EPHA6: variants seen among roughly 807,000 people sequenced by gnomAD.
EPHA6 encodes EPH receptor A6, also known as ephrin type-A receptor 6.
Under a neutral mutation model 112.0 loss-of-function variants are expected in EPHA6, and 50 were observed. The ratio of observed to expected loss-of-function variants is 0.45; its 90% CI spans 0.36 to 0.56. The LOEUF (loss-of-function observed/expected upper bound fraction) is 0.56, where lower values mean the gene tolerates loss of function less well. EPHA6 is among the 20% of genes least tolerant of loss of function. The pLI is 0.00. For missense variants in EPHA6, 1,280 were observed against 1,417.4 expected, an observed-to-expected ratio of 0.90 and a Z score of 1.56; for synonymous variants, 529 against 490.7, an observed-to-expected ratio of 1.08 and a Z score of -1.03.
intron 3 of EPHA6, among the ~76,000 whole-genome samples, chr3:97,162,085 A>C (rs540115819): frequency 3.9e-5 from 6 of 152,274 alleles, no homozygotes; most frequent in African/African-American, 1.4e-4. Flanking sequence ...TGGAGTCACT[A>C]CCTGAATAAG....
chr3:97,711,694 C>G (rs1036622899), intron 14 of EPHA6, among the ~76,000 whole-genome samples: 1 of 152,126 alleles, frequency 6.6e-6, no homozygotes, highest in African/African-American at 2.4e-5. Flanking sequence ...TTTGTTCTAT[C>G]TGGGCCCTCA....
intron 10 of EPHA6, among the ~76,000 whole-genome samples, chr3:97,517,648 T>A (rs181820412): frequency 3.3e-4 from 50 of 152,236 alleles, no homozygotes; most frequent in Non-Finnish European, 6.5e-4. Context: ...AATCATATTA[T>A]TTATTACAGT....
At chr3:97,594,899 G>A (rs559247398) in intron 12 of EPHA6, among the ~76,000 whole-genome samples, 3 of 152,108 alleles carry the variant, frequency 2.0e-5, no homozygotes, top group Admixed American at 6.5e-5. Context: ...ATTGATTATC[G>A]GTCACAGTAT....
chr3:97,648,374 G>C, intron 14 of EPHA6: 1 of 1,538,854 alleles, frequency 6.5e-7, no homozygotes, highest in Non-Finnish European at 8.7e-7. Flanking sequence ...AGAAGACATA[G>C]CCTACACCCA....
intron 3 of EPHA6, among the ~76,000 whole-genome samples, chr3:97,023,196 A>T (rs1321768367): frequency 6.6e-6 from 1 of 152,130 alleles, no homozygotes; most frequent in Admixed American, 6.5e-5. Context: ...CTCCTGCCTC[A>T]ACCTCCTGGG....
At chr3:96,871,102 A>G (rs904591865) in intron 2 of EPHA6, among the ~76,000 whole-genome samples, 55 of 152,022 alleles carry the variant, frequency 3.6e-4, no homozygotes, top group Non-Finnish European at 8.8e-5. Context: ...ACTTCACAAC[A>G]TATATGGTAA....
chr3:96,892,802 C>T (rs1420885573), intron 2 of EPHA6, among the ~76,000 whole-genome samples: 3 of 151,818 alleles, frequency 2.0e-5, no homozygotes, highest in Non-Finnish European at 2.9e-5. Context: ...AATTTCTTAA[C>T]AAGTCTTTCA....
chr3:96,923,088 C>T (rs868803856), intron 2 of EPHA6, among the ~76,000 whole-genome samples: 2 of 152,274 alleles, frequency 1.3e-5, no homozygotes, highest in Middle Eastern at 3.4e-3. Flanking sequence ...GTGAATAGTG[C>T]TGCAGTGAAC....
chr3:97,748,269 T>G (rs774387500), intron 17 of EPHA6, among the ~76,000 whole-genome samples: 8 of 152,076 alleles, frequency 5.3e-5, no homozygotes, highest in Non-Finnish European at 1.2e-4. Context: ...CTATGAAATA[T>G]CTGAGTATTA....
intron 5 of EPHA6, among the ~76,000 whole-genome samples, chr3:97,320,319 A>T (rs2082047703): frequency 6.6e-6 from 1 of 151,850 alleles, no homozygotes; most frequent in East Asian, 1.9e-4. Context: ...TAAGGAATGA[A>T]AAATTTATAT....
intron 2 of EPHA6, among the ~76,000 whole-genome samples, chr3:96,891,451 A>G (rs2037957723): frequency 6.6e-6 from 1 of 151,740 alleles, no homozygotes. Context: ...GGCTTTTAAA[A>G]TGCTGGTAAA....
chr3:97,391,634 G>A (rs1293329717), intron 5 of EPHA6, among the ~76,000 whole-genome samples: 1 of 151,872 alleles, frequency 6.6e-6, no homozygotes, highest in African/African-American at 2.4e-5. Context: ...GAATAGAAGA[G>A]CTTCAGATAA....
At chr3:97,136,798 C>T (rs1329065724) in intron 3 of EPHA6, among the ~76,000 whole-genome samples, 2 of 151,954 alleles carry the variant, frequency 1.3e-5, no homozygotes, top group African/African-American at 2.4e-5. Flanking sequence ...TCCAGCAAAA[C>T]GATCTTTAAA....
intron 1 of EPHA6, among the ~76,000 whole-genome samples, chr3:96,866,435 G>A (rs2107453636): frequency 6.6e-6 from 1 of 151,964 alleles, no homozygotes; most frequent in African/African-American, 2.4e-5. Context: ...AGAGAATCAA[G>A]AAATCTGCTT....
At chr3:97,105,837 T>C (rs796160014) in intron 3 of EPHA6, among the ~76,000 whole-genome samples, 2 of 152,216 alleles carry the variant, frequency 1.3e-5, no homozygotes, top group South Asian at 4.1e-4. Context: ...TGGGTGCTTC[T>C]GTGTTGGTGC....
chr3:97,211,371 C>CTA (rs2077869781), intron 3 of EPHA6, among the ~76,000 whole-genome samples: 1 of 152,144 alleles, frequency 6.6e-6, no homozygotes, highest in Non-Finnish European at 1.5e-5. Flanking sequence ...GAGTTAAGTT[C>CTA]TATCTTTTAT....
intron 3 of EPHA6, among the ~76,000 whole-genome samples, chr3:97,092,075 T>C (rs1430905904): frequency 6.6e-6 from 1 of 151,422 alleles, no homozygotes; most frequent in Non-Finnish European, 1.5e-5. Context: ...TGCTATATTT[T>C]GGTTAACAAG....
chr3:96,915,096 T>G (rs1003807381), intron 2 of EPHA6, among the ~76,000 whole-genome samples: 1 of 151,870 alleles, frequency 6.6e-6, no homozygotes, highest in Non-Finnish European at 1.5e-5. Context: ...TATCAAGGGA[T>G]GGATTTTTAA....
intron 1 of EPHA6, among the ~76,000 whole-genome samples, chr3:96,847,060 A>G (rs990936850): frequency 2.6e-5 from 4 of 152,094 alleles, no homozygotes; most frequent in East Asian, 1.9e-4. Flanking sequence ...GCGCCTGTCC[A>G]TCAGAAAATG....
Sources: allele counts gnomAD v4.1 joint callset (sites outside exome capture counted in the v4.1 genomes callset), GRCh38; gene constraint gnomAD v4.1.1; transcripts MANE v1.5; gene names NCBI Gene and HGNC (gene_info 2026-07-23, HGNC 2026-07-21).